The following CCSER1 variants were observed in gnomAD, a reference collection of about 807,000 sequenced individuals.
CCSER1 encodes the protein coiled-coil serine rich protein 1.
In CCSER1, 41 loss-of-function variants were observed where a neutral mutation model predicts 82.0. The ratio of observed to expected loss-of-function variants is 0.50; its 90% CI spans 0.39 to 0.65. The LOEUF (loss-of-function observed/expected upper bound fraction) is 0.65, where lower values mean the gene tolerates loss of function less well. CCSER1 is among the 30% of genes least tolerant of loss of function. The pLI, the probability that CCSER1 is intolerant of heterozygous loss-of-function variation, is 0.00. For synonymous variants in CCSER1, 414 were observed against 383.9 expected, an observed-to-expected ratio of 1.08 and a Z score of -0.92; for missense variants, 1,119 against 1,064.2, an observed-to-expected ratio of 1.05 and a Z score of -0.72.
chr4:90,495,700 C>A (rs1470438013), intron 5 of CCSER1, among the ~76,000 whole-genome samples: 1 of 151,984 alleles, frequency 6.6e-6, no homozygotes, highest in South Asian at 2.1e-4. Flanking sequence ...TTTTTAGTGA[C>A]AGTTCTGTGA....
At chr4:91,262,438 C>T (rs1283554980) in intron 10 of CCSER1, among the ~76,000 whole-genome samples, 1 of 151,806 alleles carries the variant, frequency 6.6e-6, no homozygotes, top group Non-Finnish European at 1.5e-5. Context: ...CTGAGTTGCC[C>T]ATAGCTGAAT....
intron 6 of CCSER1, among the ~76,000 whole-genome samples, chr4:90,720,041 A>G (rs1742393736): frequency 6.6e-6 from 1 of 152,156 alleles, no homozygotes; most frequent in Non-Finnish European, 1.5e-5. Context: ...ACTTTGAGTT[A>G]TACTCTGTAG....
chr4:90,405,229 A>G (rs1314441241), intron 4 of CCSER1, among the ~76,000 whole-genome samples: 1 of 152,096 alleles, frequency 6.6e-6, no homozygotes, highest in Admixed American at 6.6e-5. Flanking sequence ...GGAAAGCTTC[A>G]GCAATAGAAT....
chr4:90,153,234 G>A (rs567481505), intron 1 of CCSER1, among the ~76,000 whole-genome samples: 1 of 152,064 alleles, frequency 6.6e-6, no homozygotes, highest in East Asian at 1.9e-4. Context: ...TTTTGTGGCT[G>A]CATAGTATTC....
chr4:90,639,058 C>T (rs1726001294), intron 6 of CCSER1, among the ~76,000 whole-genome samples: 1 of 151,990 alleles, frequency 6.6e-6, no homozygotes, highest in Admixed American at 6.6e-5. Flanking sequence ...GGGGTAGGCA[C>T]TCATGAACAT....
chr4:91,180,596 G>A (rs1733926988), intron 10 of CCSER1, among the ~76,000 whole-genome samples: 1 of 152,174 alleles, frequency 6.6e-6, no homozygotes, highest in Non-Finnish European at 1.5e-5. Context: ...TGTGGGCTTG[G>A]GACCATCTGA....
At chr4:91,269,287 C>T (rs1741845386) in intron 10 of CCSER1, among the ~76,000 whole-genome samples, 1 of 152,132 alleles carries the variant, frequency 6.6e-6, no homozygotes, top group Non-Finnish European at 1.5e-5. Flanking sequence ...TAAATAAGCA[C>T]AAAACTAGTA....
At chr4:90,606,486 T>C (rs555957518) in intron 5 of CCSER1, among the ~76,000 whole-genome samples, 1 of 152,338 alleles carries the variant, frequency 6.6e-6, no homozygotes, top group South Asian at 2.1e-4. Flanking sequence ...ATCATTGTTG[T>C]ATATGCGGTC....
At chr4:90,169,049 C>G (rs982026656) in intron 1 of CCSER1, among the ~76,000 whole-genome samples, 2 of 151,974 alleles carry the variant, frequency 1.3e-5, no homozygotes, top group African/African-American at 2.4e-5. Context: ...GGCACTGAAT[C>G]TGTAAATTAC....
At chr4:90,485,081 C>G (rs962770780) in intron 5 of CCSER1, among the ~76,000 whole-genome samples, 1 of 152,242 alleles carries the variant, frequency 6.6e-6, no homozygotes, top group Non-Finnish European at 1.5e-5. Context: ...ATGGCGGGCG[C>G]CCCTCCCCCA....
chr4:91,401,152 CTAAA>C (rs1177471656), intron 10 of CCSER1, among the ~76,000 whole-genome samples: 6 of 151,614 alleles, frequency 4.0e-5, no homozygotes, highest in South Asian at 2.1e-4. Flanking sequence ...ACGTGCCCAT[CTAAA>C]TAGATACCCA....
intron 3 of CCSER1, among the ~76,000 whole-genome samples, chr4:90,371,512 T>C (rs190111619): frequency 1.6e-4 from 24 of 151,146 alleles, no homozygotes; most frequent in African/African-American, 5.8e-4. Context: ...AAATAAATAA[T>C]AACCAACTCC....
At chr4:90,685,065 C>T (rs1734564683) in intron 6 of CCSER1, among the ~76,000 whole-genome samples, 2 of 152,250 alleles carry the variant, frequency 1.3e-5, no homozygotes, top group East Asian at 1.9e-4. Context: ...TAATAATCTA[C>T]TATATAGCAT....
chr4:90,197,694 C>T (rs974777647), intron 1 of CCSER1, among the ~76,000 whole-genome samples: 6 of 152,040 alleles, frequency 3.9e-5, no homozygotes, highest in Admixed American at 1.3e-4. Context: ...AGACAAACAT[C>T]ACATGTTCTC....
At chr4:90,555,957 C>T (rs1778076656) in intron 5 of CCSER1, among the ~76,000 whole-genome samples, 1 of 152,048 alleles carries the variant, frequency 6.6e-6, no homozygotes, top group East Asian at 1.9e-4. Context: ...AATATTTTAC[C>T]AATTGGCATC....
intron 10 of CCSER1, among the ~76,000 whole-genome samples, chr4:91,166,250 A>G (rs1398192290): frequency 1.3e-5 from 2 of 152,214 alleles, no homozygotes; most frequent in African/African-American, 4.8e-5. Flanking sequence ...ATTTTTAAAA[A>G]TCTAAATTTT....
At chr4:91,490,166 A>G (rs1578600531) in intron 10 of CCSER1, among the ~76,000 whole-genome samples, 1 of 152,310 alleles carries the variant, frequency 6.6e-6, no homozygotes, top group Non-Finnish European at 1.5e-5. Context: ...TACAGCCACT[A>G]TGGAGAACAG....
Position 90,373,997 on chromosome 4 carries a change from G to C in CCSER1, c.1510-26039G>C, listed in dbSNP as rs117232277. Among the ~76,000 whole-genome samples, 84 of 152,272 alleles carry C rather than the reference G, an allele frequency of 5.5e-4. 3 individuals are homozygous for C. In the East Asian group the frequency reaches 0.016, roughly 29 times the overall value. ...ATACTCTAGATACTGCTATAGTTGT[G>C]ACTAATAAAGTCCTTTTCCTTCTGA... On this transcript the variant is annotated intron_variant, in intron 3 of 10. Transcript: ENST00000509176.
chr4:90,552,646 G>C (rs1293555213), intron 5 of CCSER1, among the ~76,000 whole-genome samples: 1 of 151,974 alleles, frequency 6.6e-6, no homozygotes, highest in African/African-American at 2.4e-5. Context: ...TGATGGAAAT[G>C]GGTTTTTGCC....
Sources: gnomAD v4.1 joint callset for allele counts (sites outside exome capture counted in the v4.1 genomes callset) on GRCh38, gnomAD v4.1.1 for gene constraint, MANE v1.5 for transcripts, NCBI Gene and HGNC (gene_info 2026-07-23, HGNC 2026-07-21) for gene names.